Variants in HCN1 observed in about 807,000 individuals in gnomAD.
HCN1 encodes hyperpolarization activated cyclic nucleotide gated potassium channel 1, also known as potassium/sodium hyperpolarization-activated cyclic nucleotide-gated channel 1.
Under a neutral mutation model 78.9 loss-of-function variants are expected in HCN1, and 13 were observed. The ratio of observed to expected loss-of-function variants is 0.16; its 90% CI spans 0.11 to 0.26. The LOEUF (loss-of-function observed/expected upper bound fraction) is 0.26. HCN1 is among the 10% of genes least tolerant of loss of function. The pLI, the probability that HCN1 is intolerant of heterozygous loss-of-function variation, is 1.00. For missense variants in HCN1, 810 were observed against 1,154.3 expected (o/e 0.70, Z 4.32); for synonymous variants, 552 against 455.5 (o/e 1.21, Z -2.70).
chr5:45,665,926 GCTAGT>G (rs577699437), intron 1 of HCN1, among the ~76,000 whole-genome samples: 4 of 151,984 alleles, frequency 2.6e-5, no homozygotes, highest in Non-Finnish European at 4.4e-5. Context: ...CTTTAGACAA[GCTAGT>G]CTATTTACTC....
intron 2 of HCN1, among the ~76,000 whole-genome samples, chr5:45,530,638 T>A (rs1742823323): frequency 6.6e-6 from 1 of 152,052 alleles, no homozygotes; most frequent in African/African-American, 2.4e-5. Context: ...AATTATGATC[T>A]AAAGAATACT....
chr5:45,678,660 TA>T (rs1739643657), intron 1 of HCN1, among the ~76,000 whole-genome samples: 1 of 151,942 alleles, frequency 6.6e-6, no homozygotes, highest in South Asian at 2.1e-4. Context: ...TTCAAAAGGA[TA>T]CAGAAACACA....
At chr5:45,276,252 C>T (rs1002337423) in intron 6 of HCN1, among the ~76,000 whole-genome samples, 1 of 152,000 alleles carries the variant, frequency 6.6e-6, no homozygotes, top group African/African-American at 2.4e-5. Context: ...ATAAAATCAA[C>T]ATTTAAACAT....
At chr5:45,351,956 A>T (rs932360775) in intron 5 of HCN1, among the ~76,000 whole-genome samples, 3 of 152,098 alleles carry the variant, frequency 2.0e-5, no homozygotes, top group African/African-American at 7.2e-5. Context: ...AAACATTGTG[A>T]AAGTCAGTGT....
chr5:45,278,257 T>G (rs1330422652), intron 6 of HCN1, among the ~76,000 whole-genome samples: 3 of 152,204 alleles, frequency 2.0e-5, no homozygotes, highest in East Asian at 3.9e-4. Flanking sequence ...TTCTTCAAGT[T>G]CAGTATGTGA....
At chr5:45,483,388 AT>A (rs935653888) in intron 2 of HCN1, among the ~76,000 whole-genome samples, 5 of 151,740 alleles carry the variant, frequency 3.3e-5, no homozygotes, top group African/African-American at 9.7e-5. Context: ...GTGATGTTGA[AT>A]TTTTTTTCAT....
intron 1 of HCN1, among the ~76,000 whole-genome samples, chr5:45,693,544 G>C (rs570335686): frequency 1.3e-5 from 2 of 152,106 alleles, no homozygotes; most frequent in South Asian, 4.1e-4. Context: ...CTTTGAAATG[G>C]ATAATAAAAT....
chr5:45,432,958 G>A (rs1453125807), intron 3 of HCN1, among the ~76,000 whole-genome samples: 3 of 152,098 alleles, frequency 2.0e-5, no homozygotes, highest in Admixed American at 1.3e-4. Flanking sequence ...ATGGAGGCAG[G>A]CAAGAGAGTG....
At chr5:45,651,442 A>T (rs1380871625) in intron 1 of HCN1, among the ~76,000 whole-genome samples, 3 of 152,020 alleles carry the variant, frequency 2.0e-5, no homozygotes, top group Non-Finnish European at 4.4e-5. Flanking sequence ...TATTTTATAA[A>T]TATGAAACAT....
intron 2 of HCN1, among the ~76,000 whole-genome samples, chr5:45,482,084 T>C (rs1741665890): frequency 6.6e-6 from 1 of 152,206 alleles, no homozygotes; most frequent in Non-Finnish European, 1.5e-5. Context: ...TTCCTTTTGG[T>C]CTTGTTACCA....
At chr5:45,417,986 A>C (rs1740152207) in intron 3 of HCN1, among the ~76,000 whole-genome samples, 1 of 152,010 alleles carries the variant, frequency 6.6e-6, no homozygotes, top group South Asian at 2.1e-4. Context: ...ACAAAGTTGA[A>C]GTTGGGCATG....
chr5:45,426,941 C>T (rs746210477), intron 3 of HCN1, among the ~76,000 whole-genome samples: 2 of 151,972 alleles, frequency 1.3e-5, no homozygotes. Context: ...AAGGTATACT[C>T]AACAGTCTTG....
At chr5:45,445,269 A>G (rs928723196) in intron 3 of HCN1, among the ~76,000 whole-genome samples, 1 of 152,154 alleles carries the variant, frequency 6.6e-6, no homozygotes, top group Admixed American at 6.5e-5. Flanking sequence ...ACGCCCAGGT[A>G]GTCTCACTGA....
At chr5:45,532,050 TAAAC>T (rs1029323094) in intron 2 of HCN1, among the ~76,000 whole-genome samples, 3 of 152,104 alleles carry the variant, frequency 2.0e-5, no homozygotes, top group African/African-American at 7.2e-5. Flanking sequence ...AAAATAAAAA[TAAAC>T]CAACCAAACA....
chr5:45,565,450 G>T (rs1446634979), intron 2 of HCN1, among the ~76,000 whole-genome samples: 6 of 152,124 alleles, frequency 3.9e-5, no homozygotes, highest in African/African-American at 1.4e-4. Flanking sequence ...TAATGGAAAA[G>T]GCTGTGCCCT....
chr5:45,629,734 T>C (rs942360726), intron 2 of HCN1, among the ~76,000 whole-genome samples: 8 of 152,182 alleles, frequency 5.3e-5, no homozygotes, highest in South Asian at 4.1e-4. Context: ...ACTCTTATTA[T>C]ATCATACATT....
intron 2 of HCN1, among the ~76,000 whole-genome samples, chr5:45,503,873 C>T (rs1742239350): frequency 6.6e-6 from 1 of 151,798 alleles, no homozygotes; most frequent in African/African-American, 2.4e-5. Flanking sequence ...GCAACCTCCA[C>T]CTCCCAGGTT....
chr5:45,609,479 TGTCTCAC>T (rs1168531559), intron 2 of HCN1, among the ~76,000 whole-genome samples: 1 of 152,150 alleles, frequency 6.6e-6, no homozygotes, highest in Admixed American at 6.6e-5. Flanking sequence ...ATATGGTTGC[TGTCTCAC>T]AATAGTAGGA....
rs139791410 is a variant in HCN1, at chr5:45,645,116, T to C, written c.849+69A>G. The C allele has an allele frequency of 1.8e-4, 212 of 1,175,676 alleles. 2 individuals carry two copies. In the East Asian group the frequency reaches 4.5e-3, roughly 25 times the overall value. The allele number at this position is 1,175,676 out of a possible 1,614,324, so 72.8% of individuals were successfully genotyped here. On this transcript the variant is annotated intron_variant, in intron 2 of 7. Transcript: ENST00000303230. ...AAACTCATTACACATTGCACAGTTG[T>C]TCATTGTAAAACAGCCATAATTAAC...
Sources: gnomAD v4.1 joint callset for allele counts (sites outside exome capture counted in the v4.1 genomes callset) on GRCh38, gnomAD v4.1.1 for gene constraint, MANE v1.5 for transcripts, NCBI Gene and HGNC (gene_info 2026-07-23, HGNC 2026-07-21) for gene names.